EIF5B: variants seen among roughly 807,000 people sequenced by gnomAD.
EIF5B encodes eIF-5B.
In EIF5B, 47 loss-of-function variants were observed where a neutral mutation model predicts 147.5. The ratio of observed to expected loss-of-function variants is 0.32; its 90% CI spans 0.25 to 0.41. The LOEUF (loss-of-function observed/expected upper bound fraction) is 0.41, where lower values mean the gene tolerates loss of function less well. Among genes scored for constraint, EIF5B ranks in the 10% least tolerant of loss-of-function variants. The pLI is 1.00. For missense variants in EIF5B, 1,064 were observed against 1,413.2 expected (o/e 0.75, Z 3.96); for synonymous variants, 455 against 456.2 (o/e 1.00, Z 0.03).
intron 9 of EIF5B, among the ~76,000 whole-genome samples, chr2:99,372,880 C>A (rs1349143659): frequency 1.3e-5 from 2 of 152,012 alleles, no homozygotes; most frequent in Non-Finnish European, 2.9e-5. Flanking sequence ...TCTTTCATAG[C>A]GTTCTGAGGG....
chr2:99,377,274 A>G (rs887425749), intron 10 of EIF5B, among the ~76,000 whole-genome samples: 2 of 151,910 alleles, frequency 1.3e-5, no homozygotes, highest in Non-Finnish European at 2.9e-5. Flanking sequence ...TTTACTACCT[A>G]TATATCAACA....
intron 1 of EIF5B, among the ~76,000 whole-genome samples, chr2:99,355,055 G>C (rs1340635554): frequency 6.6e-6 from 1 of 151,876 alleles, no homozygotes; most frequent in Non-Finnish European, 1.5e-5. Context: ...CACCTGCCTC[G>C]GCCTCCCAAA....
At chr2:99,339,009 T>A (rs2094252516) in intron 1 of EIF5B, among the ~76,000 whole-genome samples, 2 of 61,650 alleles carry the variant, frequency 3.2e-5, no homozygotes, top group East Asian at 1.2e-3. Context: ...TATATACATT[T>A]TTTTTTTTTT....
chr2:99,371,409 A>T (rs1559252366), intron 8 of EIF5B, among the ~76,000 whole-genome samples: 1 of 151,166 alleles, frequency 6.6e-6, no homozygotes, highest in East Asian at 1.9e-4. Flanking sequence ...AATGGCGTGA[A>T]CCCGGAAGGC....
At chr2:99,388,076 T>C (rs189915554) in intron 14 of EIF5B, among the ~76,000 whole-genome samples, 245 of 152,346 alleles carry the variant, frequency 1.6e-3, no homozygotes, top group African/African-American at 5.4e-3. Flanking sequence ...TTTAATGCTA[T>C]TGTAAATAGC....
chr2:99,385,297 G>T (rs1007323863), intron 14 of EIF5B, among the ~76,000 whole-genome samples: 1 of 152,088 alleles, frequency 6.6e-6, no homozygotes, highest in Non-Finnish European at 1.5e-5. Flanking sequence ...TGCCTGCCTC[G>T]GCCTGCCAAA....
At chr2:99,382,672 A>G in intron 13 of EIF5B, 108 bp from the exon 14 acceptor site, 1 of 1,120,956 alleles carries the variant, frequency 8.9e-7, no homozygotes, top group Non-Finnish European at 1.2e-6. Flanking sequence ...TGAACAATTT[A>G]ATACATATAC....
chr2:99,348,409 G>A (rs1422992893), intron 1 of EIF5B, among the ~76,000 whole-genome samples: 1 of 152,180 alleles, frequency 6.6e-6, no homozygotes, highest in East Asian at 1.9e-4. Flanking sequence ...GGGCCACTGA[G>A]GAGCAATGAC....
At position 99,361,279 on chromosome 2, in the gene EIF5B, T is replaced by C. The variant is rs1032770414; in HGVS notation, c.378T>C (p.Thr126=). Residue 126 remains threonine, a synonymous_variant, in exon 4 of 24, where the codon ACT becomes ACC. Coordinates refer to ENST00000289371, the MANE Select transcript of EIF5B (RefSeq NM_015904.4). Reference sequence around the variant, plus strand: ...ATAAAGATTCAAAATCAAAAAAGACTGCAAAACCGAAAGTGGAAATGTACT... The same window carrying C: ...ATAAAGATTCAAAATCAAAAAAGACCGCAAAACCGAAAGTGGAAATGTACT... ...LEDKDSKSKK[T]AKPKVEMYSG... The C allele has an allele frequency of 5.0e-6, 8 of 1,612,740 alleles. No individual in the cohort carries two copies. The highest frequency in any genetic ancestry group is 4.5e-5 in the East Asian group (2 of 44,816).
rs1433788395 is a variant in EIF5B at position 99,368,527 on chromosome 2, G to T, written c.1323G>T (p.Lys441Asn). The T allele has an allele frequency of 6.2e-7, 1 of 1,613,340 alleles. No homozygotes were observed. The highest frequency in any genetic ancestry group is 8.5e-7 in the Non-Finnish European group (1 of 1,179,802). ...TGCCATCAAAAGACTCTTTGCCAAA[G>T]AAGAGGCCAATTTATGAAGATAAAA... ...VEVPSKDSLP[K>N]KRPIYEDKKR... Residue 441 changes from lysine (K) to asparagine (N), a missense_variant, in exon 7 of 24, where the codon AAG (lysine) becomes AAT (asparagine). By Grantham distance (94) the Lys-to-Asn change is moderately conservative. Coordinates refer to ENST00000289371, the MANE Select transcript of EIF5B (RefSeq NM_015904.4).
At chr2:99,366,370 G>T (rs1256949996) in intron 6 of EIF5B, among the ~76,000 whole-genome samples, 3 of 152,172 alleles carry the variant, frequency 2.0e-5, no homozygotes, top group Non-Finnish European at 4.4e-5. Flanking sequence ...ATCTTAGTAG[G>T]TGTAGGCTGC....
chr2:99,361,953 A>C (rs1280581269), intron 4 of EIF5B, 133 bp downstream of exon 4: 18 of 705,102 alleles, frequency 2.6e-5, no homozygotes, highest in Non-Finnish European at 8.3e-6. Context: ...GCCATCTAAA[A>C]AATTACGTCT....
chr2:99,377,471 G>A (rs1674588005), intron 10 of EIF5B, among the ~76,000 whole-genome samples: 1 of 150,776 alleles, frequency 6.6e-6, no homozygotes, highest in Non-Finnish European at 1.5e-5. Flanking sequence ...ACAACATCTT[G>A]GCCTTTGCCT....
In EIF5B at chr2:99,382,896, G is replaced by T. The variant is rs1674719857; in HGVS notation, c.2246G>T (p.Cys749Phe). 3 of 1,609,776 alleles carry T rather than the reference G, an allele frequency of 1.9e-6. No individual in the cohort carries two copies. Among genetic ancestry groups the T allele is most frequent in the South Asian group, 1.1e-5 (1 of 89,964 alleles). The change falls in exon 14 of 24, where the codon TGT (cysteine) becomes TTT (phenylalanine). Residue 749 changes from cysteine (C) to phenylalanine (F), a missense_variant. Coordinates refer to ENST00000289371, the MANE Select transcript of EIF5B (RefSeq NM_015904.4). ...ESINLLKSKKCPFIVALNKID... is the reference protein window; with the variant it reads ...ESINLLKSKKFPFIVALNKID... ...ATCAACCTTCTCAAATCTAAAAAATGTCCCTTCATTGTTGCACTCAATAAG... is the reference window on the plus strand; with the variant it reads ...ATCAACCTTCTCAAATCTAAAAAATTTCCCTTCATTGTTGCACTCAATAAG...
intron 1 of EIF5B, among the ~76,000 whole-genome samples, chr2:99,349,410 A>G (rs926810979): frequency 2.0e-5 from 3 of 152,188 alleles, no homozygotes; most frequent in Non-Finnish European, 2.9e-5. Context: ...ATCAAATGAA[A>G]TTTGCTAAGT....
At chr2:99,392,440 C>T (rs941585692) in intron 17 of EIF5B, among the ~76,000 whole-genome samples, 9 of 152,184 alleles carry the variant, frequency 5.9e-5, no homozygotes, top group Admixed American at 5.9e-4. Context: ...GGAGTGAAGG[C>T]CACACTTGTC....
Position 99,361,307 on chromosome 2 carries a change from G to A in EIF5B, c.406G>A (p.Gly136Arg), listed in dbSNP as rs758551594. Residue 136 changes from glycine (G) to arginine (R), a missense_variant, in exon 4 of 24, where the codon GGG becomes AGG. Around this residue, in one of 4 missense-constraint regions of EIF5B, gnomAD observed 458 missense variants for 451.3 expected, o/e 1.01. Transcript: ENST00000289371. ...AAAACCGAAAGTGGAAATGTACTCT[G>A]GGAGTGATGATGATGATGATTTTAA... Reference protein sequence around the residue: ...TAKPKVEMYSGSDDDDDFNKL... With the variant: ...TAKPKVEMYSRSDDDDDFNKL... The A allele has an allele frequency of 1.1e-5, 18 of 1,610,532 alleles. No individual in the cohort carries two copies. The highest frequency in any genetic ancestry group is 6.7e-5 in the African/African-American group (5 of 74,692).
intron 10 of EIF5B, among the ~76,000 whole-genome samples, chr2:99,377,921 T>C (rs961518496): frequency 1.3e-5 from 2 of 152,216 alleles, no homozygotes; most frequent in African/African-American, 4.8e-5. Flanking sequence ...TGCTTCAGTA[T>C]ACTTAGAATT....
chr2:99,393,093 C>T lies in EIF5B; in HGVS notation c.2875C>T (p.Leu959Phe). The T allele has an allele frequency of 6.5e-7, 1 of 1,538,434 alleles. No homozygotes were observed. The highest frequency in any genetic ancestry group is 1.7e-4 in the Middle Eastern group (1 of 5,758). ...VAYKEDEIPV[L>F]KDELIHELKQ... ...TTATAAAGAAGATGAAATCCCTGTT[C>T]TTAAAGTAAGTTCATTTAAAAATTT... The change falls in exon 18 of 24, where the codon CTT becomes TTT. Residue 959 changes from leucine (L) to phenylalanine (F), a missense_variant. Coordinates refer to ENST00000289371, the MANE Select transcript of EIF5B (RefSeq NM_015904.4).
Sources: gnomAD v4.1 joint callset for allele counts (sites outside exome capture counted in the v4.1 genomes callset) on GRCh38, gnomAD v4.1.1 for gene constraint, gnomAD v4.1.1 regional missense constraint, MANE v1.5 for transcripts, NCBI Gene and HGNC (gene_info 2026-07-23, HGNC 2026-07-21) for gene names.